Variants in OLFML2A observed in about 807,000 individuals in gnomAD.
OLFML2A encodes olfactomedin like 2A, also known as olfactomedin-like protein 2A.
Under a neutral mutation model 60.9 loss-of-function variants are expected in OLFML2A, and 47 were observed. The ratio of observed to expected loss-of-function variants is 0.77; its 90% CI spans 0.61 to 0.98. The LOEUF is 0.98. OLFML2A is among the 50% of genes least tolerant of loss of function. The pLI is 0.00. For missense variants in OLFML2A, 922 were observed against 879.8 expected (o/e 1.05, Z -0.61); for synonymous variants, 372 against 375.0 (o/e 0.99, Z 0.09).
intron 1 of OLFML2A, among the ~76,000 whole-genome samples, chr9:124,785,300 C>G (rs1841445257): frequency 6.6e-6 from 1 of 150,914 alleles, no homozygotes; most frequent in Admixed American, 6.6e-5. Flanking sequence ...AGTTGATGGA[C>G]ATTTGGGTTG....
Position 124,787,522 on chromosome 9 carries a change from TTTTTATTTTATTTTA to T in OLFML2A, c.354+318_354+332del, listed in dbSNP as rs201285189. ...CTTTACATTTTGTGGCAGTGGGTTGTTTTTATTTTATTTTATTTTATTTTATTTTATTTTATTTTA... is the reference window on the plus strand; with the variant it reads ...CTTTACATTTTGTGGCAGTGGGTTGTTTTTATTTTATTTTATTTTATTTTA... On this transcript the variant is annotated intron_variant, in intron 2 of 7. Coordinates refer to ENST00000373580, the MANE Select transcript of OLFML2A (RefSeq NM_182487.4). Among the ~76,000 whole-genome samples, 450 of 137,818 alleles carry T rather than the reference TTTTTATTTTATTTTA, an allele frequency of 3.3e-3. 6 individuals carry two copies. In the East Asian group the frequency reaches 0.047, roughly 14 times the overall value. The allele number at this position is 137,818 out of a possible 152,430, so 90.4% of individuals were successfully genotyped here.
At chr9:124,803,204 C>T (rs1055477301) in intron 5 of OLFML2A, among the ~76,000 whole-genome samples, 1 of 152,140 alleles carries the variant, frequency 6.6e-6, no homozygotes, top group Non-Finnish European at 1.5e-5. Context: ...CCACCGCGCC[C>T]GGCCGGTGTC....
intron 3 of OLFML2A, 24 bp downstream of exon 3, chr9:124,795,155 G>A: frequency 1.4e-6 from 2 of 1,412,524 alleles, no homozygotes; most frequent in Non-Finnish European, 9.9e-7. Flanking sequence ...TGCCGCCAGA[G>A]GCCAGGCTGC....
chr9:124,805,368 G>A (rs555897705), intron 6 of OLFML2A, among the ~76,000 whole-genome samples: 1 of 152,226 alleles, frequency 6.6e-6, no homozygotes, highest in South Asian at 2.1e-4. Context: ...GAAATAACAC[G>A]AAGGGCTGAC....
At position 124,807,956 on chromosome 9, in the gene OLFML2A, CT is replaced by C; in HGVS notation, c.1346del (p.Phe449SerfsTer99). 1 of 1,613,894 alleles carries C rather than the reference CT, an allele frequency of 6.2e-7. No homozygotes were observed. The highest frequency in any genetic ancestry group is 8.5e-7 in the Non-Finnish European group (1 of 1,179,782). Reference sequence around the variant, plus strand: ...TGGTGGAGTTCCGCAACCTGGAAAACTTCAAGCAAGGTCAGGGACCCCCGGA... The same window carrying C: ...TGGTGGAGTTCCGCAACCTGGAAAACTCAAGCAAGGTCAGGGACCCCCGGA... ...SLVEFRNLEN[F>X]KQGRWSNMYK... is the part of the protein sequence containing the mutation. On this transcript the variant is annotated frameshift_variant, in exon 7 of 8. Coordinates refer to ENST00000373580, the MANE Select transcript of OLFML2A (RefSeq NM_182487.4). LOFTEE classifies it high-confidence loss of function.
chr9:124,799,374 C>T lies in OLFML2A; in HGVS notation c.552C>T (p.His184=), dbSNP rs750598072. Residue 184 remains histidine (H), a synonymous_variant, in exon 4 of 8, where the codon CAC becomes CAT. Transcript: ENST00000373580. Reference sequence around the variant, plus strand: ...AGCAGTTGAGGCACTATGAGAATCACTCTGCCATCATGCTGGGCATCAAGA... The same window carrying T: ...AGCAGTTGAGGCACTATGAGAATCATTCTGCCATCATGCTGGGCATCAAGA... The part of the protein sequence containing the change: ...LSEQLRHYEN[H]SAIMLGIKKE... 2.5e-6 allele frequency: 4 copies of T among 1,613,638 alleles called. No individual in the cohort carries two copies. Among genetic ancestry groups the T allele is most frequent in the East Asian group, 2.2e-5 (1 of 44,882 alleles).
chr9:124,801,326 C>A, intron 4 of OLFML2A, 88 bp from the exon 5 acceptor site: 1 of 1,402,536 alleles, frequency 7.1e-7, no homozygotes, highest in South Asian at 1.3e-5. Context: ...AACATGGCCA[C>A]CTCCAGTCCC....
chr9:124,798,294 G>C (rs1393792858), intron 3 of OLFML2A, among the ~76,000 whole-genome samples: 1 of 152,098 alleles, frequency 6.6e-6, no homozygotes, highest in Non-Finnish European at 1.5e-5. Context: ...TTGAGGTCAG[G>C]AGTTCAAGAC....
intron 2 of OLFML2A, among the ~76,000 whole-genome samples, chr9:124,793,565 C>T (rs903747632): frequency 1.3e-5 from 2 of 152,186 alleles, no homozygotes; most frequent in Non-Finnish European, 2.9e-5. Flanking sequence ...GGGTTCTGCT[C>T]CTGGTTCTAC....
chr9:124,790,048 A>AT lies in OLFML2A; in HGVS notation c.354+2813dup, dbSNP rs1224142896. On this transcript the variant is annotated intron_variant, in intron 2 of 7. Transcript: ENST00000373580. ...CGCTGGCTAATTTAATTCTTAGCTA[A>AT]TTTAATCCTTGCTACAACCCTTTGG... Among the ~76,000 whole-genome samples, 3 of 152,370 alleles carry AT rather than the reference A, an allele frequency of 2.0e-5. No individual in the cohort carries two copies. In the East Asian group the frequency reaches 5.8e-4, roughly 29 times the overall value.
In OLFML2A at chr9:124,807,941, C is replaced by G. The variant is rs761695541; in HGVS notation, c.1329C>G (p.Phe443Leu). The change falls in exon 7 of 8, where the codon TTC (phenylalanine) becomes TTG (leucine). Residue 443 changes from phenylalanine to leucine, a missense_variant. Coordinates refer to ENST00000373580, the MANE Select transcript of OLFML2A (RefSeq NM_182487.4). ...NYYYGNSLVE[F>L]RNLENFKQGR... ...ACTATGGAAACAGCCTGGTGGAGTTCCGCAACCTGGAAAACTTCAAGCAAG... is the reference window on the plus strand; with the variant it reads ...ACTATGGAAACAGCCTGGTGGAGTTGCGCAACCTGGAAAACTTCAAGCAAG... The G allele has an allele frequency of 2.5e-6, 4 of 1,613,950 alleles. No individual in the cohort carries two copies. The African/African-American group carries it at 4.0e-5, about 16-fold the overall frequency.
intron 1 of OLFML2A, chr9:124,778,843 A>C: frequency 3.5e-6 from 1 of 283,056 alleles, no homozygotes; most frequent in Non-Finnish European, 5.3e-6. Context: ...GACCTTGGGG[A>C]GAGTGAGGAG....
At chr9:124,801,721 C>T in intron 5 of OLFML2A, 58 bp downstream of exon 5, 2 of 1,559,674 alleles carry the variant, frequency 1.3e-6, no homozygotes, top group South Asian at 1.2e-5. Flanking sequence ...TCCTAGGAAT[C>T]CCCTCATCTT....
chr9:124,814,010 C>A lies in OLFML2A; in HGVS notation c.*3598C>A, dbSNP rs1426127154. The A allele has an allele frequency of 6.6e-6, 1 of 152,228 alleles. No homozygotes were observed. Among genetic ancestry groups the A allele is most frequent in the Non-Finnish European group, 1.5e-5 (1 of 68,070 alleles). The allele number at this position is 152,228 out of a possible 1,614,324, so 9.4% of individuals were successfully genotyped here. A position where few individuals can be genotyped will look rare whatever the true frequency, so the allele number is the denominator to read the frequency against. On this transcript the variant is annotated 3_prime_UTR_variant, in exon 8 of 8. Transcript: ENST00000373580. ...CAAAGGAAGGCAAAGGAAGCTGTCT[C>A]GGGTGTTTCTGAACAACGTGACTCA...
At chr9:124,793,809 T>C (rs567038074) in intron 2 of OLFML2A, among the ~76,000 whole-genome samples, 1 of 152,140 alleles carries the variant, frequency 6.6e-6, no homozygotes, top group African/African-American at 2.4e-5. Context: ...GAGGATCACT[T>C]GAGGCCAAGG....
At chr9:124,801,062 C>G (rs1343919545) in intron 4 of OLFML2A, 7 of 1,551,380 alleles carry the variant, frequency 4.5e-6, no homozygotes, top group Non-Finnish European at 6.1e-6. Context: ...GTAAGAGAGA[C>G]AAGGCTGGGA....
intron 3 of OLFML2A, among the ~76,000 whole-genome samples, chr9:124,798,397 G>A (rs1426476408): frequency 6.6e-6 from 1 of 151,818 alleles, no homozygotes; most frequent in Non-Finnish European, 1.5e-5. Flanking sequence ...AGCTACTCAG[G>A]AGGCTAGGTA....
At chr9:124,800,924 G>T in intron 4 of OLFML2A, 6 of 1,542,142 alleles carry the variant, frequency 3.9e-6, no homozygotes, top group Non-Finnish European at 4.4e-6. Context: ...CCTGGGACTT[G>T]AGGGTTTTTC....
intron 7 of OLFML2A, among the ~76,000 whole-genome samples, chr9:124,809,504 G>A (rs1841960209): frequency 6.6e-6 from 1 of 152,090 alleles, no homozygotes; most frequent in East Asian, 1.9e-4. Context: ...GAACAGCAGG[G>A]ACGAAGGCCT....
Sources: gnomAD v4.1 joint callset for allele counts (sites outside exome capture counted in the v4.1 genomes callset) on GRCh38, gnomAD v4.1.1 for gene constraint, MANE v1.5 for transcripts, NCBI Gene and HGNC (gene_info 2026-07-23, HGNC 2026-07-21) for gene names.